The following LIPA variants were observed in gnomAD, a reference collection of about 807,000 sequenced individuals.
LIPA encodes lipase A, lysosomal acid type.
Under a neutral mutation model 40.6 loss-of-function variants are expected in LIPA, and 26 were observed. That is an observed-to-expected ratio of 0.64 (90% CI 0.47 to 0.89). The LOEUF is 0.89. Ranked by LOEUF, LIPA falls within the 40% of genes least tolerant of loss-of-function variation. The probability of loss-of-function intolerance (pLI) is 0.00; values close to 1 mark genes in which losing one functional copy is unlikely to be tolerated. For missense variants in LIPA, 455 were observed against 479.6 expected (o/e 0.95, Z 0.48); for synonymous variants, 188 against 168.4 (o/e 1.12, Z -0.90).
chr10:89,402,864 A>G (rs375173087), intron 2 of LIPA: 2 of 1,614,090 alleles, frequency 1.2e-6, no homozygotes, highest in African/African-American at 2.7e-5. Context: ...AGCCACAAAA[A>G]ATCACAAGCC....
chr10:89,243,829 G>A (rs1286371122), intron 3 of LIPA, among the ~76,000 whole-genome samples: 2 of 152,206 alleles, frequency 1.3e-5, no homozygotes, highest in African/African-American at 4.8e-5. Context: ...GCTGGATATA[G>A]GAGGAGAGCT....
At chr10:89,245,582 T>A (rs1843012785) in intron 3 of LIPA, 94 bp downstream of exon 3, 4 of 776,116 alleles carry the variant, frequency 5.2e-6, no homozygotes, top group East Asian at 2.4e-5. Flanking sequence ...CTAAAAATAA[T>A]CCCATTTCAA....
rs149279973 is a variant in LIPA at position 89,403,633 on chromosome 10, T to C, written c.61+9158A>G. The C allele has an allele frequency of 3.0e-5, 48 of 1,614,098 alleles. No homozygotes were observed. The African/African-American group carries it at 3.9e-4, about 13-fold the overall frequency. On this transcript the variant is annotated intron_variant, in intron 2 of 8. Transcript: ENST00000371837. ...TTCGTCTACAAATTGGAAGGAAATA[T>C]GAATGAAGCCCTGGAGTACTATGAG...
At chr10:89,340,020 T>C in intron 1 of LIPA, 1 of 1,614,212 alleles carries the variant, frequency 6.2e-7, no homozygotes, top group Non-Finnish European at 8.5e-7. Flanking sequence ...GCATAGGCAG[T>C]ATTTTCCTGT....
At chr10:89,290,161 T>C (rs1408722719) in intron 1 of LIPA, among the ~76,000 whole-genome samples, 1 of 152,124 alleles carries the variant, frequency 6.6e-6, no homozygotes, top group Non-Finnish European at 1.5e-5. Flanking sequence ...CCTTGGACAC[T>C]CTCTAATTAG....
intron 2 of LIPA, among the ~76,000 whole-genome samples, chr10:89,376,775 T>G (rs962285777): frequency 6.6e-6 from 1 of 152,210 alleles, no homozygotes; most frequent in Non-Finnish European, 1.5e-5. Flanking sequence ...CCAGACACAA[T>G]TTAAGATACC....
At chr10:89,365,325 G>C (rs1844049023) in intron 2 of LIPA, among the ~76,000 whole-genome samples, 1 of 152,150 alleles carries the variant, frequency 6.6e-6, no homozygotes, top group Non-Finnish European at 1.5e-5. Flanking sequence ...AAATTTGTTT[G>C]AGTTCTTTGT....
intron 1 of LIPA, among the ~76,000 whole-genome samples, chr10:89,295,165 T>G (rs1843405938): frequency 6.6e-6 from 1 of 151,476 alleles, no homozygotes; most frequent in African/African-American, 2.4e-5. Context: ...AAACGTGTAT[T>G]TGTGAATGAG....
intron 1 of LIPA, among the ~76,000 whole-genome samples, chr10:89,251,068 G>T (rs985768561): frequency 6.6e-6 from 1 of 152,226 alleles, no homozygotes; most frequent in Non-Finnish European, 1.5e-5. Flanking sequence ...CCCCAACGCA[G>T]CATGCTATTT....
intron 1 of LIPA, chr10:89,285,139 C>A (rs900095881): frequency 1.9e-5 from 3 of 159,410 alleles, no homozygotes; most frequent in African/African-American, 7.2e-5. Context: ...TGACTCGGAT[C>A]GGGGAACCTC....
intron 2 of LIPA, among the ~76,000 whole-genome samples, chr10:89,386,094 T>C (rs1191274309): frequency 2.0e-5 from 3 of 152,290 alleles, no homozygotes; most frequent in Admixed American, 6.5e-5. Context: ...AGTGGCTATT[T>C]ACAAGCACAG....
intron 1 of LIPA, among the ~76,000 whole-genome samples, chr10:89,321,999 C>T (rs1305633705): frequency 6.6e-6 from 1 of 151,852 alleles, no homozygotes; most frequent in Non-Finnish European, 1.5e-5. Context: ...TGTTCTCACT[C>T]ATAAGTCGGA....
intron 1 of LIPA, chr10:89,309,095 G>A (rs973988971): frequency 1.3e-5 from 2 of 152,170 alleles, no homozygotes; most frequent in Non-Finnish European, 2.9e-5. Context: ...AGAGTCCAGG[G>A]CTTCGGATAA....
chr10:89,264,521 C>T (rs1296328106), intron 1 of LIPA, among the ~76,000 whole-genome samples: 4 of 151,988 alleles, frequency 2.6e-5, no homozygotes, highest in Admixed American at 6.5e-5. Context: ...AAGTGTGCAG[C>T]CCTCAGCAGG....
At chr10:89,243,556 A>G (rs909353742) in intron 3 of LIPA, among the ~76,000 whole-genome samples, 2 of 152,104 alleles carry the variant, frequency 1.3e-5, no homozygotes, top group Admixed American at 6.6e-5. Flanking sequence ...CTTGCCAAAA[A>G]TAAAATAAAG....
In LIPA at chr10:89,401,205, C is replaced by T. The variant is rs138157019; in HGVS notation, c.61+11586G>A. ...GATCTCAGCTCACTGCAACCTCTGC[C>T]TCTCAGACTCAAGCGATTCTCCTGC... On this transcript the variant is annotated intron_variant, in intron 2 of 8. Coordinates refer to the LIPA transcript ENST00000371837. Among the ~76,000 whole-genome samples the T allele has an allele frequency of 5.5e-3, 829 of 152,042 alleles. 12 individuals are homozygous for T. Among genetic ancestry groups the T allele is most frequent in the East Asian group, 0.042 (215 of 5,164 alleles).
intron 3 of LIPA, among the ~76,000 whole-genome samples, chr10:89,242,298 T>C (rs1272311603): frequency 5.3e-5 from 8 of 152,212 alleles, no homozygotes; most frequent in Non-Finnish European, 8.8e-5. Context: ...GGGCTACTAC[T>C]GTGCAGAATG....
At chr10:89,358,352 C>A (rs1844000805) in intron 2 of LIPA, among the ~76,000 whole-genome samples, 1 of 152,186 alleles carries the variant, frequency 6.6e-6, no homozygotes, top group Non-Finnish European at 1.5e-5. Context: ...TAAATTAGTA[C>A]AGCCACTATG....
chr10:89,214,629 G>A lies in LIPA; in HGVS notation c.*199C>T. 1 of 554,294 alleles carries A rather than the reference G, an allele frequency of 1.8e-6. No individual in the cohort carries two copies. The highest frequency in any genetic ancestry group is 3.2e-6 in the Non-Finnish European group (1 of 312,038). The allele number at this position is 554,294 out of a possible 1,614,324, so 34.3% of individuals were successfully genotyped here. A position where few individuals can be genotyped will look rare whatever the true frequency, so the allele number is the denominator to read the frequency against. On this transcript the variant is annotated 3_prime_UTR_variant, in exon 10 of 10. Coordinates refer to ENST00000336233, the MANE Select transcript of LIPA (RefSeq NM_000235.4). ...GTTGAGACACTGGCTTCCTATTCCA[G>A]CCCTAATTAAAGAAAAAATAGCTAG...
Sources: gnomAD v4.1 joint callset for allele counts (sites outside exome capture counted in the v4.1 genomes callset) on GRCh38, gnomAD v4.1.1 for gene constraint, MANE v1.5 for transcripts, NCBI Gene and HGNC (gene_info 2026-07-23, HGNC 2026-07-21) for gene names.